Variants in TNIP3 observed in about 807,000 individuals in gnomAD.
TNIP3 encodes the protein TNFAIP3-interacting protein 3.
A neutral mutation model predicts 54.1 loss-of-function variants in TNIP3; 34 were observed. That is an observed-to-expected ratio of 0.63 (90% CI 0.48 to 0.84). The LOEUF is 0.84. Ranked by LOEUF, TNIP3 falls within the 40% of genes least tolerant of loss-of-function variation. TNIP3 has a pLI of 0.00. For missense variants in TNIP3, 366 were observed against 387.6 expected, an observed-to-expected ratio of 0.94 and a Z score of 0.47; for synonymous variants, 134 against 136.8, an observed-to-expected ratio of 0.98 and a Z score of 0.14.
At chr4:121,160,079 C>T (rs1303755701) in intron 2 of TNIP3, among the ~76,000 whole-genome samples, 1 of 152,090 alleles carries the variant, frequency 6.6e-6, no homozygotes. Flanking sequence ...ACTCTGCCAT[C>T]GTTCAATAAT....
At chr4:121,154,512 C>A (rs1729960066) in intron 5 of TNIP3, 39 bp downstream of exon 5, 1 of 1,610,404 alleles carries the variant, frequency 6.2e-7, no homozygotes, top group African/African-American at 1.3e-5. Flanking sequence ...TATGCAGGGA[C>A]TTCTCATTTT....
chr4:121,226,256 C>T (rs375441832), intron 1 of TNIP3, among the ~76,000 whole-genome samples: 48 of 149,786 alleles, frequency 3.2e-4, no homozygotes, highest in African/African-American at 9.9e-4. Flanking sequence ...AGAGAGAGAG[C>T]GACAGAGGCA....
At chr4:121,166,640 G>C (rs1730782434), upstream of TNIP3, among the ~76,000 whole-genome samples, 1 of 152,160 alleles carries the variant, frequency 6.6e-6, no homozygotes, top group South Asian at 2.1e-4. Flanking sequence ...AGGACTACCA[G>C]TCACTGGTCT....
At chr4:121,214,120 C>T (rs1726649331) in intron 2 of TNIP3, among the ~76,000 whole-genome samples, 1 of 152,166 alleles carries the variant, frequency 6.6e-6, no homozygotes. Flanking sequence ...GACTCAGGTG[C>T]TCACTATTCT....
At position 121,158,656 on chromosome 4, in the gene TNIP3, A is replaced by C. The variant is rs114778224; in HGVS notation, c.213+31T>G. Reference sequence around the variant, plus strand: ...TGGCCCCACCAGGATAATGGCTTTAAAGAAAATACCGAATAGAGAGAGGTA... The same window carrying C: ...TGGCCCCACCAGGATAATGGCTTTACAGAAAATACCGAATAGAGAGAGGTA... On this transcript the variant is annotated intron_variant, in intron 3 of 10. Coordinates refer to ENST00000057513, the MANE Select transcript of TNIP3 (RefSeq NM_024873.6). The C allele has an allele frequency of 2.8e-4, 434 of 1,571,018 alleles. 4 individuals are homozygous for C. In the African/African-American group the frequency reaches 5.2e-3, roughly 19 times the overall value.
At chr4:121,177,368 C>A (rs1275771012) in intron 3 of TNIP3, among the ~76,000 whole-genome samples, 1 of 152,204 alleles carries the variant, frequency 6.6e-6, no homozygotes, top group Non-Finnish European at 1.5e-5. Context: ...TATAAAAGCA[C>A]ACTTTCATGC....
At chr4:121,161,102 G>T in intron 2 of TNIP3, 34 bp downstream of exon 2, 1 of 1,447,512 alleles carries the variant, frequency 6.9e-7, no homozygotes, top group Non-Finnish European at 9.5e-7. Context: ...TTAATCCATG[G>T]CACCTGTGGC....
At chr4:121,175,739 C>A (rs1163118147) in intron 3 of TNIP3, among the ~76,000 whole-genome samples, 3 of 152,212 alleles carry the variant, frequency 2.0e-5, no homozygotes, top group Non-Finnish European at 4.4e-5. Context: ...ATATTCCCCC[C>A]TTGCACCACT....
At position 121,154,599 on chromosome 4, in the gene TNIP3, C is replaced by T. The variant is rs766814347; in HGVS notation, c.444G>A (p.Ala148=). 28 of 1,613,674 alleles carry T rather than the reference C, an allele frequency of 1.7e-5. No individual in the cohort carries two copies. Among genetic ancestry groups the T allele is most frequent in the East Asian group, 4.5e-5 (2 of 44,874 alleles). Residue 148 remains alanine (A), a synonymous_variant, in exon 5 of 11, where the codon GCG becomes GCA. Transcript: ENST00000057513. ...ATTCGTAATGTTCCTTTTCCTTGTT[C>T]GCAAGAGTATTTTTTCCCTTTAAAA... is the stretch of plus-strand genomic sequence containing the variant. ...NKLLKGKNTL[A]NKEKEHYECE...
At chr4:121,140,174 A>C (rs1729031306) in intron 9 of TNIP3, among the ~76,000 whole-genome samples, 4 of 152,056 alleles carry the variant, frequency 2.6e-5, no homozygotes, top group Non-Finnish European at 5.9e-5. Flanking sequence ...TCTCCGCTAA[A>C]ATTACAAAAA....
At chr4:121,214,521 G>A (rs777698433) in intron 2 of TNIP3, among the ~76,000 whole-genome samples, 13 of 152,178 alleles carry the variant, frequency 8.5e-5, no homozygotes, top group Non-Finnish European at 1.6e-4. Context: ...GAAGGAAATG[G>A]CTTGTGAATA....
At chr4:121,222,651 T>A (rs1450181806) in intron 1 of TNIP3, among the ~76,000 whole-genome samples, 1 of 152,158 alleles carries the variant, frequency 6.6e-6, no homozygotes, top group East Asian at 1.9e-4. Flanking sequence ...TGAGAGAATT[T>A]AAATTTTGTT....
chr4:121,183,667 A>T (rs1196734294), intron 2 of TNIP3, among the ~76,000 whole-genome samples: 1 of 152,102 alleles, frequency 6.6e-6, no homozygotes, highest in Non-Finnish European at 1.5e-5. Context: ...GTGGCATTAG[A>T]TTCTCATAGG....
intron 2 of TNIP3, among the ~76,000 whole-genome samples, chr4:121,188,661 T>C (rs1725146511): frequency 1.3e-5 from 2 of 152,212 alleles, no homozygotes; most frequent in Admixed American, 1.3e-4. Flanking sequence ...CAAAATGTTA[T>C]GGTTTACTGC....
chr4:121,205,232 G>T (rs1726115362), intron 2 of TNIP3, among the ~76,000 whole-genome samples: 1 of 152,170 alleles, frequency 6.6e-6, no homozygotes, highest in Non-Finnish European at 1.5e-5. Context: ...AGTGAAGGAG[G>T]TGTAGTATGG....
chr4:121,170,743 A>G (rs1213006073), intron 3 of TNIP3, among the ~76,000 whole-genome samples: 1 of 152,178 alleles, frequency 6.6e-6, no homozygotes, highest in Non-Finnish European at 1.5e-5. Context: ...ATATTGAAGT[A>G]TTAACTGATG....
chr4:121,160,804 G>T (rs1217853955), intron 2 of TNIP3, among the ~76,000 whole-genome samples: 1 of 152,120 alleles, frequency 6.6e-6, no homozygotes, highest in Non-Finnish European at 1.5e-5. Context: ...AAAGGGTAAA[G>T]GTCATAAGGC....
intron 10 of TNIP3, among the ~76,000 whole-genome samples, chr4:121,136,307 G>A (rs570968932): frequency 6.6e-6 from 1 of 152,184 alleles, no homozygotes; most frequent in South Asian, 2.1e-4. Flanking sequence ...TCTCATTTTT[G>A]TATCTATACT....
At chr4:121,183,165 C>T (rs1162436815) in intron 2 of TNIP3, among the ~76,000 whole-genome samples, 1 of 152,174 alleles carries the variant, frequency 6.6e-6, no homozygotes, top group Non-Finnish European at 1.5e-5. Context: ...GGTAAGTAAA[C>T]TTGAGTTTAG....
Sources: gnomAD v4.1 joint callset for allele counts (sites outside exome capture counted in the v4.1 genomes callset) on GRCh38, gnomAD v4.1.1 for gene constraint, MANE v1.5 for transcripts, NCBI Gene and HGNC (gene_info 2026-07-23, HGNC 2026-07-21) for gene names.